Variants in SLC38A6 observed in about 807,000 individuals in gnomAD.
SLC38A6 encodes solute carrier family 38 member 6, also known as N system amino acid transporter NAT-1.
A neutral mutation model predicts 65.0 loss-of-function variants in SLC38A6; 73 were observed. The ratio of observed to expected loss-of-function variants is 1.12; its 90% CI spans 0.93 to 1.37. The LOEUF (loss-of-function observed/expected upper bound fraction) is 1.37, where lower values mean the gene tolerates loss of function less well. SLC38A6 is among the 40% of genes most tolerant of loss of function. The probability of loss-of-function intolerance (pLI) is 0.00; values close to 1 mark genes in which losing one functional copy is unlikely to be tolerated. For missense variants in SLC38A6, 561 were observed against 531.1 expected, an observed-to-expected ratio of 1.06 and a Z score of -0.55; for synonymous variants, 183 against 178.8, an observed-to-expected ratio of 1.02 and a Z score of -0.19.
At chr14:61,050,074 A>C (rs1332785370) in intron 12 of SLC38A6, among the ~76,000 whole-genome samples, 1 of 152,196 alleles carries the variant, frequency 6.6e-6, no homozygotes, top group South Asian at 2.1e-4. Context: ...ACCAAAAAGA[A>C]GTAGGTGTAT....
chr14:61,064,205 C>G (rs1477949703), intron 15 of SLC38A6, among the ~76,000 whole-genome samples: 1 of 152,174 alleles, frequency 6.6e-6, no homozygotes, highest in African/African-American at 2.4e-5. Flanking sequence ...CAGACATGGC[C>G]TCCCATGTGG....
chr14:61,065,292 T>G (rs1465827767), intron 15 of SLC38A6, among the ~76,000 whole-genome samples: 1 of 152,224 alleles, frequency 6.6e-6, no homozygotes, highest in East Asian at 1.9e-4. Flanking sequence ...CTTTGTTTGC[T>G]ACTGTACTGT....
rs7149530 is a variant in SLC38A6 at position 61,011,014 on chromosome 14, C to A, written c.311-4890C>A. ...ACGACATTGATTCTTCCTACCCATG[C>A]GCATGGAATGTTCTTCCATTTGTTT... On this transcript the variant is annotated intron_variant, in intron 3 of 15. Transcript: ENST00000267488. 3.5e-3 allele frequency among the ~76,000 whole-genome samples: 531 copies of A among 152,174 alleles called. 3 individuals are homozygous for A. The highest frequency in any genetic ancestry group is 7.8e-3 in the African/African-American group (322 of 41,506).
At chr14:61,034,432 C>G (rs566390813) in intron 6 of SLC38A6, 1 of 152,090 alleles carries the variant, frequency 6.6e-6, no homozygotes, top group South Asian at 2.1e-4. Context: ...GTGTATAATG[C>G]GGTATTGTTA....
rs78740462 is a variant in SLC38A6, at chr14:60,983,220, G to A, written c.236+582G>A. ...TACAATGATATGTTTGGAAATTAAT[G>A]TTCCCACTAAACTGAAATCCTTTAC... On this transcript the variant is annotated intron_variant, in intron 2 of 15. Coordinates refer to ENST00000267488, the MANE Select transcript of SLC38A6 (RefSeq NM_153811.3). Among the ~76,000 whole-genome samples the A allele has an allele frequency of 5.2e-3, 789 of 152,280 alleles. 13 individuals are homozygous for A. The highest frequency in any genetic ancestry group is 0.018 in the African/African-American group (739 of 41,554).
intron 3 of SLC38A6, among the ~76,000 whole-genome samples, chr14:61,004,228 G>A (rs1266688744): frequency 6.6e-6 from 1 of 152,112 alleles, no homozygotes. Context: ...GTATTTGCTT[G>A]CTACATTTGC....
At chr14:61,003,822 A>C (rs2038881830) in intron 3 of SLC38A6, among the ~76,000 whole-genome samples, 1 of 152,174 alleles carries the variant, frequency 6.6e-6, no homozygotes, top group African/African-American at 2.4e-5. Context: ...TTTTTGCAAC[A>C]AAAGAAGTCT....
In SLC38A6 at chr14:61,041,201, A is replaced by G. The variant is rs117947910; in HGVS notation, c.625-1946A>G. On this transcript the variant is annotated intron_variant, in intron 8 of 15. Transcript: ENST00000267488. The stretch of plus-strand genomic sequence containing the variant: ...AACCCCAAGACTTACCTTCTTACCA[A>G]CCTAAGCAAGGACTTCCTGTTAATC... Among the ~76,000 whole-genome samples, 976 of 152,200 alleles carry G rather than the reference A, an allele frequency of 6.4e-3. 9 individuals are homozygous for G. The highest frequency in any genetic ancestry group is 0.024 in the Middle Eastern group (7 of 292).
At chr14:61,055,098 G>A (rs1476560856), downstream of SLC38A6, among the ~76,000 whole-genome samples, 1 of 71,788 alleles carries the variant, frequency 1.4e-5, no homozygotes, top group Non-Finnish European at 3.2e-5. Context: ...TTTTTTTTAA[G>A]TCTTTTTCTT....
At chr14:61,049,673 G>A (rs1051526637) in intron 12 of SLC38A6, among the ~76,000 whole-genome samples, 1 of 152,186 alleles carries the variant, frequency 6.6e-6, no homozygotes, top group African/African-American at 2.4e-5. Context: ...CCTGAGAACA[G>A]AGGTATGTTT....
chr14:61,077,367 C>T (rs1261453385), intron 15 of SLC38A6, among the ~76,000 whole-genome samples: 2 of 152,138 alleles, frequency 1.3e-5, no homozygotes, highest in Non-Finnish European at 2.9e-5. Flanking sequence ...TTACAAAATT[C>T]GTTGATGACC....
chr14:61,010,211 C>T (rs1402731525), intron 3 of SLC38A6, among the ~76,000 whole-genome samples: 1 of 152,082 alleles, frequency 6.6e-6, no homozygotes, highest in Non-Finnish European at 1.5e-5. Context: ...TATCCTTCGC[C>T]CACTTGTTGA....
intron 4 of SLC38A6, among the ~76,000 whole-genome samples, chr14:61,016,908 T>C (rs925581843): frequency 3.3e-5 from 5 of 152,266 alleles, no homozygotes; most frequent in Non-Finnish European, 7.3e-5. Flanking sequence ...TTTTTTGTTT[T>C]ATTTTTATTC....
rs2042568782 is a variant in SLC38A6, at chr14:61,052,555, A to G, written c.*126A>G. On this transcript the variant is annotated 3_prime_UTR_variant, in exon 16 of 16. Coordinates refer to ENST00000267488, the MANE Select transcript of SLC38A6 (RefSeq NM_153811.3). ...AATTATTAACAGAAAAGCAGAACAA[A>G]ATGGCAGTGGGTATGGGGAAGTAAG... The G allele has an allele frequency of 2.4e-5, 33 of 1,348,376 alleles. No homozygotes were observed. The South Asian group carries it at 5.8e-4, about 24-fold the overall frequency. The allele number at this position is 1,348,376 out of a possible 1,614,324, so 83.5% of individuals were successfully genotyped here.
chr14:60,986,357 A>G (rs1446261592), intron 3 of SLC38A6, among the ~76,000 whole-genome samples: 1 of 152,250 alleles, frequency 6.6e-6, no homozygotes, highest in Non-Finnish European at 1.5e-5. Context: ...TTTAGGATCC[A>G]TAGTTTATAG....
chr14:61,062,069 C>G (rs759739668), intron 15 of SLC38A6, among the ~76,000 whole-genome samples: 19 of 152,232 alleles, frequency 1.2e-4, no homozygotes, highest in Admixed American at 2.6e-4. Context: ...GTACTCCTGA[C>G]CTCAGGTGAT....
chr14:61,048,448 T>G (rs963637493), intron 12 of SLC38A6, among the ~76,000 whole-genome samples: 2 of 152,154 alleles, frequency 1.3e-5, no homozygotes, highest in African/African-American at 4.8e-5. Flanking sequence ...ATTAGGCCCT[T>G]TCTGAGATTT....
intron 3 of SLC38A6, chr14:60,987,413 T>G (rs1362306266): frequency 1.3e-5 from 2 of 153,022 alleles, no homozygotes; most frequent in Admixed American, 6.5e-5. Flanking sequence ...CACATGAAAT[T>G]CTACTTTAGA....
At chr14:61,017,742 G>A (rs1310545121) in intron 4 of SLC38A6, among the ~76,000 whole-genome samples, 1 of 152,152 alleles carries the variant, frequency 6.6e-6, no homozygotes, top group African/African-American at 2.4e-5. Context: ...TCTTAGAGTA[G>A]TTGTGTTGTC....
Sources: allele counts gnomAD v4.1 joint callset (sites outside exome capture counted in the v4.1 genomes callset), GRCh38; gene constraint gnomAD v4.1.1; transcripts MANE v1.5; gene names NCBI Gene and HGNC (gene_info 2026-07-23, HGNC 2026-07-21).